The following LINGO2 variants were observed in gnomAD, a reference collection of about 807,000 sequenced individuals.
LINGO2 encodes the protein leucine rich repeat and Ig domain containing 2, also known as leucine-rich repeat and immunoglobulin-like domain-containing nogo receptor-interacting protein 2.
In LINGO2, 14 loss-of-function variants were observed where a neutral mutation model predicts 30.6. The ratio of observed to expected loss-of-function variants is 0.46; its 90% CI spans 0.30 to 0.72. LINGO2 has a LOEUF of 0.72. LINGO2 is among the 30% of genes least tolerant of loss of function. The pLI, the probability that LINGO2 is intolerant of heterozygous loss-of-function variation, is 0.07. For missense variants in LINGO2, 729 were observed against 751.7 expected, an observed-to-expected ratio of 0.97 and a Z score of 0.35; for synonymous variants, 317 against 288.5, an observed-to-expected ratio of 1.10 and a Z score of -1.00.
chr9:28,583,477 T>C (rs1457964143), intron 1 of LINGO2, among the ~76,000 whole-genome samples: 4 of 152,168 alleles, frequency 2.6e-5, no homozygotes, highest in Admixed American at 6.6e-5. Context: ...TGTGTAATAT[T>C]GTTTTCATGA....
At chr9:28,845,274 A>AT in the LINGO2 span, among the ~76,000 whole-genome samples, 2 of 152,036 alleles carry the variant, frequency 1.3e-5, no homozygotes, top group East Asian at 3.9e-4. Flanking sequence ...AATATGGAAT[A>AT]TTTTTGACAT....
chr9:28,541,498 T>C lies in LINGO2; in HGVS notation c.-364-65473A>G, dbSNP rs182417174. 1.1e-4 allele frequency among the ~76,000 whole-genome samples: 17 copies of C among 152,272 alleles called. 1 individual carries two copies. In the East Asian group the frequency reaches 3.1e-3, roughly 28 times the overall value. ...ATGAATAGAAAAACAAGAGCAATTT[T>C]TATAATTGAGTCAACTTTCCAGATG... On this transcript the variant is annotated intron_variant, in intron 1 of 5. Transcript: ENST00000379992.
In LINGO2 at chr9:28,602,131, C is replaced by A. The variant is rs1285640514; in HGVS notation, c.-365+68069G>T. On this transcript the variant is annotated intron_variant, in intron 1 of 5. Transcript: ENST00000379992. ...AAAGTTGTGATTTTTAGGTAAAATT[C>A]CAGCCTAGGCTTACCCTGATTGAAA... Among the ~76,000 whole-genome samples the A allele has an allele frequency of 3.9e-5, 6 of 152,070 alleles. No individual in the cohort carries two copies. In the East Asian group the frequency reaches 1.2e-3, roughly 29 times the overall value.
chr9:28,243,259 C>T (rs919465841), intron 4 of LINGO2, among the ~76,000 whole-genome samples: 1 of 151,938 alleles, frequency 6.6e-6, no homozygotes, highest in Non-Finnish European at 1.5e-5. Context: ...GAGTTCAAAA[C>T]CAGCCTGGGC....
chr9:28,772,712 G>C, the LINGO2 span, among the ~76,000 whole-genome samples: 2 of 152,146 alleles, frequency 1.3e-5, no homozygotes, highest in African/African-American at 4.8e-5. Context: ...AAGCAAGACA[G>C]CAGCACTCTG....
At chr9:28,198,078 C>T (rs1820078253) in intron 4 of LINGO2, among the ~76,000 whole-genome samples, 1 of 148,048 alleles carries the variant, frequency 6.8e-6, no homozygotes. Context: ...AAATTACATT[C>T]ACTTTTTTTT....
chr9:28,625,160 T>A (rs1281947381), intron 1 of LINGO2, among the ~76,000 whole-genome samples: 2 of 151,976 alleles, frequency 1.3e-5, no homozygotes, highest in Admixed American at 6.6e-5. Flanking sequence ...TTCTGACCAT[T>A]GAGATAGGTT....
chr9:29,080,245 G>A, the LINGO2 span, among the ~76,000 whole-genome samples: 1 of 152,120 alleles, frequency 6.6e-6, no homozygotes, highest in Non-Finnish European at 1.5e-5. Flanking sequence ...GGTGTTTACA[G>A]TATTCTCTGA....
intron 4 of LINGO2, among the ~76,000 whole-genome samples, chr9:28,034,549 T>C (rs1470353529): frequency 6.6e-6 from 1 of 152,150 alleles, no homozygotes; most frequent in Non-Finnish European, 1.5e-5. Flanking sequence ...TTATGTGTGA[T>C]ATTTGAAGGA....
chr9:28,800,561 C>T, the LINGO2 span, among the ~76,000 whole-genome samples: 1 of 151,992 alleles, frequency 6.6e-6, no homozygotes. Flanking sequence ...CTACTCAATG[C>T]TAGCAGTAGC....
the LINGO2 span, among the ~76,000 whole-genome samples, chr9:28,973,124 G>A: frequency 1.3e-5 from 2 of 152,124 alleles, no homozygotes; most frequent in African/African-American, 2.4e-5. Context: ...TTTTTTCAAG[G>A]AAATAATAAC....
intron 4 of LINGO2, among the ~76,000 whole-genome samples, chr9:28,291,702 C>T (rs968149795): frequency 6.6e-5 from 10 of 151,924 alleles, no homozygotes; most frequent in African/African-American, 2.2e-4. Context: ...AACAGAGGCT[C>T]GATAATTGTG....
At chr9:28,203,950 G>C (rs13286196) in intron 4 of LINGO2, among the ~76,000 whole-genome samples, 4 of 152,086 alleles carry the variant, frequency 2.6e-5, no homozygotes, top group Admixed American at 2.6e-4. Context: ...GTTCCTCAGA[G>C]CCTTTCCTAT....
chr9:28,359,095 C>G (rs1311820678), intron 3 of LINGO2, among the ~76,000 whole-genome samples: 1 of 152,116 alleles, frequency 6.6e-6, no homozygotes, highest in Non-Finnish European at 1.5e-5. Flanking sequence ...CTTTACCTAA[C>G]CCAAACTTCT....
At chr9:28,363,141 C>G (rs1261482937) in intron 3 of LINGO2, among the ~76,000 whole-genome samples, 1 of 152,086 alleles carries the variant, frequency 6.6e-6, no homozygotes, top group East Asian at 1.9e-4. Context: ...TAAGGAAACT[C>G]AAGTTTAGAG....
chr9:29,176,983 G>A, the LINGO2 span, among the ~76,000 whole-genome samples: 1 of 152,120 alleles, frequency 6.6e-6, no homozygotes, highest in Non-Finnish European at 1.5e-5. Flanking sequence ...CAGTCAGTTG[G>A]CCAAAGTCTA....
At chr9:29,018,091 T>TATATATATA in the LINGO2 span, among the ~76,000 whole-genome samples, 3 of 23,206 alleles carry the variant, frequency 1.3e-4, no homozygotes, top group African/African-American at 2.4e-4. Flanking sequence ...AATATACATT[T>TATATATATA]TATATATATA....
At position 28,216,403 on chromosome 9, in the gene LINGO2, C is replaced by T. The variant is rs10968392; in HGVS notation, c.-87+78805G>A. Among the ~76,000 whole-genome samples the T allele has an allele frequency of 1.8e-3, 271 of 151,824 alleles. 2 individuals carry two copies. The East Asian group carries it at 0.021, about 12-fold the overall frequency. ...AGGAGTGGTTGTTAGTAAAAAGGTGCTATCAAATAGTTAAATGAAGAAAGA... is the reference window on the plus strand; with the variant it reads ...AGGAGTGGTTGTTAGTAAAAAGGTGTTATCAAATAGTTAAATGAAGAAAGA... On this transcript the variant is annotated intron_variant, in intron 4 of 5. Transcript: ENST00000379992.
At chr9:28,264,637 G>A (rs1404509222) in intron 4 of LINGO2, among the ~76,000 whole-genome samples, 3 of 151,842 alleles carry the variant, frequency 2.0e-5, no homozygotes, top group African/African-American at 7.2e-5. Flanking sequence ...AAAAGCATGG[G>A]TTTTGGGAAT....
Sources: allele counts gnomAD v4.1 joint callset (sites outside exome capture counted in the v4.1 genomes callset), GRCh38; gene constraint gnomAD v4.1.1; transcripts MANE v1.5; gene names NCBI Gene and HGNC (gene_info 2026-07-23, HGNC 2026-07-21).